RASSF2: variants seen among roughly 807,000 people sequenced by gnomAD.
The protein encoded by RASSF2 is Ras association domain family member 2, also known as ras association domain-containing protein 2.
A neutral mutation model predicts 46.3 loss-of-function variants in RASSF2; 34 were observed. That is an observed-to-expected ratio of 0.73 (90% CI 0.56 to 0.98). RASSF2 has a LOEUF of 0.98. Ranked by LOEUF, RASSF2 falls within the 50% of genes least tolerant of loss-of-function variation. The pLI, the probability that RASSF2 is intolerant of heterozygous loss-of-function variation, is 0.00. For synonymous variants in RASSF2, 158 were observed against 162.5 expected (o/e 0.97, Z 0.21); for missense variants, 364 against 431.2 (o/e 0.84, Z 1.38).
intron 6 of RASSF2, among the ~76,000 whole-genome samples, chr20:4,792,008 T>A (rs1413862224): frequency 2.6e-5 from 4 of 151,990 alleles, no homozygotes; most frequent in African/African-American, 9.7e-5. Context: ...CCCAGCATTT[T>A]GGGAGGCTGA....
Position 4,790,469 on chromosome 20 carries a change from G to T in RASSF2, c.519C>A (p.Gly173=). 6.7e-7 allele frequency: 1 copy of T among 1,490,502 alleles called. No homozygotes were observed. Among genetic ancestry groups the T allele is most frequent in the Non-Finnish European group, 8.9e-7 (1 of 1,122,982 alleles). The allele number at this position is 1,490,502 out of a possible 1,614,324, so 92.3% of individuals were successfully genotyped here. Residue 173 remains glycine (G), a synonymous_variant, in exon 7 of 12, where the codon GGC becomes GGA. Transcript: ENST00000379400. The surrounding 1 kb of genome is among the most constrained non-coding windows in gnomAD (Gnocchi z 4.3). ...RIRRHRFSIN[G]HFYNHKTSVF... The stretch of plus-strand genomic sequence containing the variant: ...ACCTTACCTTATGGTTGTAGAAATG[G>T]CCGTTGATGGAGAAGCGGTGGCGTC...
At chr20:4,807,206 G>A (rs1170449302) in intron 2 of RASSF2, among the ~76,000 whole-genome samples, 1 of 151,880 alleles carries the variant, frequency 6.6e-6, no homozygotes, top group Non-Finnish European at 1.5e-5. Context: ...GGGAAGACAG[G>A]GAAGTGAAAT....
rs1432773520 is a variant in RASSF2, at chr20:4,806,091, A to G, written c.-32-5029T>C. Among the ~76,000 whole-genome samples the G allele has an allele frequency of 2.0e-5, 3 of 152,180 alleles. No homozygotes were observed. In the East Asian group the frequency reaches 5.8e-4, roughly 29 times the overall value. ...AGGGCCTAGAGCAGGGTTCCCATTA[A>G]CCCAGTTGGTCAGCATGGGCAGAGG... On this transcript the variant is annotated intron_variant, in intron 2 of 11. Transcript: ENST00000379400.
At chr20:4,821,988 G>A (rs1324376882) in intron 2 of RASSF2, among the ~76,000 whole-genome samples, 1 of 152,218 alleles carries the variant, frequency 6.6e-6, no homozygotes, top group African/African-American at 2.4e-5. Context: ...GAACACAAGT[G>A]TTTTGGTTTT....
intron 2 of RASSF2, among the ~76,000 whole-genome samples, chr20:4,819,364 C>T (rs962647966): frequency 1.3e-5 from 2 of 152,084 alleles, no homozygotes; most frequent in Non-Finnish European, 2.9e-5. Context: ...AGTTCAAGTA[C>T]AAAGGGAGTG....
chr20:4,797,605 C>T (rs1328915171), intron 4 of RASSF2, among the ~76,000 whole-genome samples: 1 of 152,098 alleles, frequency 6.6e-6, no homozygotes. Context: ...AGCTTATGTG[C>T]TTTGCCCAGG....
chr20:4,805,193 G>A (rs1487902143), intron 2 of RASSF2, among the ~76,000 whole-genome samples: 2 of 152,120 alleles, frequency 1.3e-5, no homozygotes, highest in Non-Finnish European at 2.9e-5. Flanking sequence ...GGACTCTGCA[G>A]ATGTGATTAA....
At chr20:4,794,128 C>T (rs1360024458) in intron 5 of RASSF2, among the ~76,000 whole-genome samples, 2 of 152,106 alleles carry the variant, frequency 1.3e-5, no homozygotes, top group Non-Finnish European at 2.9e-5. Context: ...AAATACAGTA[C>T]AGTGTAACAA....
At chr20:4,804,764 C>T (rs895979953) in intron 2 of RASSF2, among the ~76,000 whole-genome samples, 2 of 152,110 alleles carry the variant, frequency 1.3e-5, no homozygotes, top group African/African-American at 4.8e-5. Context: ...TACAACGTGC[C>T]AAGCATCGTG....
chr20:4,786,428 T>C (rs1925345932), intron 10 of RASSF2, 100 bp from the exon 11 acceptor site: 1 of 1,066,926 alleles, frequency 9.4e-7, no homozygotes. Flanking sequence ...TTGGGAAGTC[T>C]ATTTTTTTCA....
intron 2 of RASSF2, 115 bp from the exon 3 acceptor site, chr20:4,801,177 C>T (rs1926838309): frequency 1.4e-6 from 1 of 703,326 alleles, no homozygotes; most frequent in Admixed American, 2.3e-5. Context: ...CCGTTCCTCC[C>T]CACCCAGATC....
Position 4,790,648 on chromosome 20 carries a change from G to C in RASSF2, c.377-37C>G. The C allele has an allele frequency of 2.7e-6, 4 of 1,495,602 alleles. No homozygotes were observed. The highest frequency in any genetic ancestry group is 3.5e-6 in the Non-Finnish European group (4 of 1,132,246). 92.6% of individuals were successfully genotyped at this position (1,495,602 alleles called of 1,614,324 possible). A position where few individuals can be genotyped will look rare whatever the true frequency, so the allele number is the denominator to read the frequency against. ...GAGGGAAATGAACTCTGTCTGTCTG[G>C]ACCTGGGACATGGCACATGGTCCCC... On this transcript the variant is annotated intron_variant, in intron 6 of 11. Coordinates refer to ENST00000379400, the MANE Select transcript of RASSF2 (RefSeq NM_014737.3). The surrounding 1 kb of genome is among the most constrained non-coding windows in gnomAD (Gnocchi z 4.3).
At chr20:4,819,315 T>C (rs951718128) in intron 2 of RASSF2, among the ~76,000 whole-genome samples, 1 of 152,168 alleles carries the variant, frequency 6.6e-6, no homozygotes, top group African/African-American at 2.4e-5. Context: ...CTGTCTTAGG[T>C]TGGTTTCACC....
chr20:4,785,490 T>A (rs1925247111), intron 11 of RASSF2, among the ~76,000 whole-genome samples: 1 of 152,202 alleles, frequency 6.6e-6, no homozygotes, highest in Middle Eastern at 3.2e-3. Flanking sequence ...TTCCACCATA[T>A]CTATGAAAGG....
rs989919259 is a variant in RASSF2, at chr20:4,821,644, C to T, written c.-33+685G>A. Among the ~76,000 whole-genome samples, 9 of 152,208 alleles carry T rather than the reference C, an allele frequency of 5.9e-5. 1 individual carries two copies. Among genetic ancestry groups the T allele is most frequent in the African/African-American group, 1.9e-4 (8 of 41,434 alleles). On this transcript the variant is annotated intron_variant, in intron 2 of 11. Transcript: ENST00000379400. ...CATCTGCTGAAGGAGGAGCGGAACT[C>T]ACCTTCCAGCCTCCCCAGCACAGGG...
At chr20:4,798,802 G>A (rs543864021) in intron 3 of RASSF2, among the ~76,000 whole-genome samples, 14 of 149,644 alleles carry the variant, frequency 9.4e-5, no homozygotes, top group Admixed American at 4.6e-4. Context: ...CTCCAGCCTG[G>A]GCAAAAGACT....
chr20:4,787,464 G>A (rs1925456705), intron 10 of RASSF2, among the ~76,000 whole-genome samples, 169 bp downstream of exon 10: 2 of 152,190 alleles, frequency 1.3e-5, no homozygotes, highest in African/African-American at 2.4e-5. Context: ...ACTATGATTT[G>A]GAGATGTTTG....
Position 4,812,303 on chromosome 20 carries a change from C to G in RASSF2, c.-33+10026G>C, listed in dbSNP as rs1003628245. ...TTTAACCCCTACACCAACCTCATTA[C>G]GAAAGAAACTTTATTATCCTCATTT... On this transcript the variant is annotated intron_variant, in intron 2 of 11. Coordinates refer to ENST00000379400, the MANE Select transcript of RASSF2 (RefSeq NM_014737.3). This position sits in a 1 kb window ranked among gnomAD's most constrained non-coding sequence, Gnocchi z 4.0. Among the ~76,000 whole-genome samples, 1 of 152,206 alleles carries G rather than the reference C, an allele frequency of 6.6e-6. No individual in the cohort carries two copies. Among genetic ancestry groups the G allele is most frequent in the African/African-American group, 2.4e-5 (1 of 41,442 alleles).
intron 2 of RASSF2, among the ~76,000 whole-genome samples, chr20:4,804,490 A>G (rs1369620851): frequency 6.6e-6 from 1 of 150,728 alleles, no homozygotes; most frequent in East Asian, 2.0e-4. Context: ...GGTATGTGCC[A>G]CCACGCTCAG....
Sources: gnomAD v4.1 joint callset for allele counts (sites outside exome capture counted in the v4.1 genomes callset) on GRCh38, gnomAD v4.1.1 for gene constraint, Gnocchi (gnomAD v3.1) non-coding constraint, MANE v1.5 for transcripts, NCBI Gene and HGNC (gene_info 2026-07-23, HGNC 2026-07-21) for gene names.